KIF6: variants seen among roughly 807,000 people sequenced by gnomAD.
The protein encoded by KIF6 is kinesin-like protein KIF6.
Under a neutral mutation model 112.7 loss-of-function variants are expected in KIF6, and 106 were observed. The observed-to-expected ratio is 0.94, with a 90% confidence interval of 0.80 to 1.11. The LOEUF (loss-of-function observed/expected upper bound fraction) is 1.11. KIF6 is among the 50% of genes least tolerant of loss of function. The probability of loss-of-function intolerance (pLI) is 0.00; values close to 1 mark genes in which losing one functional copy is unlikely to be tolerated. For synonymous variants in KIF6, 339 were observed against 339.9 expected, an observed-to-expected ratio of 1.00 and a Z score of 0.03; for missense variants, 929 against 964.0, an observed-to-expected ratio of 0.96 and a Z score of 0.48.
chr6:39,489,074 G>A (rs1562259255), intron 13 of KIF6, among the ~76,000 whole-genome samples: 1 of 152,084 alleles, frequency 6.6e-6, no homozygotes, highest in Non-Finnish European at 1.5e-5. Context: ...GAAATCTAAG[G>A]CTTTTTAAAA....
At chr6:39,443,540 G>T (rs1362686445) in intron 13 of KIF6, among the ~76,000 whole-genome samples, 1 of 152,008 alleles carries the variant, frequency 6.6e-6, no homozygotes, top group East Asian at 1.9e-4. Context: ...GCTTCCCAGG[G>T]TCAAGCAATT....
chr6:39,613,004 C>T (rs1783298829), intron 6 of KIF6, among the ~76,000 whole-genome samples, 185 bp downstream of exon 6: 1 of 152,100 alleles, frequency 6.6e-6, no homozygotes, highest in South Asian at 2.1e-4. Flanking sequence ...GCTGGGTGAC[C>T]TTGGGAAAGT....
rs754642153 is a variant in KIF6 at position 39,634,909 on chromosome 6, T to C, written c.449A>G (p.Asn150Ser). 16 of 1,612,552 alleles carry C rather than the reference T, an allele frequency of 9.9e-6. No homozygotes were observed. Among genetic ancestry groups the C allele is most frequent in the South Asian group, 4.4e-5 (4 of 91,038 alleles). Residue 150 changes from asparagine (N) to serine (S), a missense_variant, in exon 5 of 23, where the codon AAT (asparagine) becomes AGT (serine). Transcript: ENST00000287152. The part of the protein sequence containing the change: ...TTHISYLEIY[N>S]ECGYDLLDPR... ...ATCCAAAAGATCATAACCACATTCA[T>C]TGTAGATTTCCAAATAGGAAATGTG...
At chr6:39,445,702 A>G (rs1424050868) in intron 13 of KIF6, among the ~76,000 whole-genome samples, 2 of 152,284 alleles carry the variant, frequency 1.3e-5, no homozygotes, top group African/African-American at 4.8e-5. Context: ...TTTCTCAGGG[A>G]ATGTTCCTCC....
chr6:39,541,831 C>T (rs1778805577), intron 12 of KIF6, among the ~76,000 whole-genome samples: 1 of 152,144 alleles, frequency 6.6e-6, no homozygotes, highest in Non-Finnish European at 1.5e-5. Flanking sequence ...AACATCAATG[C>T]AGAGGAGAAA....
rs993422385 is a variant in KIF6, at chr6:39,447,566, T to C, written c.1646-16405A>G. 1.5e-4 allele frequency among the ~76,000 whole-genome samples: 23 copies of C among 152,304 alleles called. 1 individual carries two copies. Among genetic ancestry groups the C allele is most frequent in the African/African-American group, 2.6e-4 (11 of 41,576 alleles). ...TTCATGTTTACTGGCCTTGATTTCATTGATGGAAGAGGAGAAAAGATAATC... is the reference window on the plus strand; with the variant it reads ...TTCATGTTTACTGGCCTTGATTTCACTGATGGAAGAGGAGAAAAGATAATC... On this transcript the variant is annotated intron_variant, in intron 13 of 22. Transcript: ENST00000287152.
At chr6:39,533,833 T>A (rs940726200) in intron 13 of KIF6, among the ~76,000 whole-genome samples, 2 of 152,156 alleles carry the variant, frequency 1.3e-5, no homozygotes, top group Non-Finnish European at 2.9e-5. Flanking sequence ...GACTGACACC[T>A]CACACGGCCG....
chr6:39,447,164 C>T (rs1772383301), intron 13 of KIF6, among the ~76,000 whole-genome samples: 1 of 152,180 alleles, frequency 6.6e-6, no homozygotes, highest in African/African-American at 2.4e-5. Flanking sequence ...GTGTTCTCTG[C>T]TTCCCAACCA....
At chr6:39,709,229 C>G (rs1789388579) in intron 3 of KIF6, among the ~76,000 whole-genome samples, 1 of 152,206 alleles carries the variant, frequency 6.6e-6, no homozygotes, top group Non-Finnish European at 1.5e-5. Flanking sequence ...CAGCTTTGGT[C>G]CCTGCCATTT....
At chr6:39,593,125 T>C (rs1782042329) in intron 7 of KIF6, among the ~76,000 whole-genome samples, 1 of 152,206 alleles carries the variant, frequency 6.6e-6, no homozygotes, top group Non-Finnish European at 1.5e-5. Context: ...TGCCTACTTC[T>C]CAGTCATTCA....
chr6:39,622,871 T>C (rs1783904408), intron 5 of KIF6, among the ~76,000 whole-genome samples: 1 of 152,132 alleles, frequency 6.6e-6, no homozygotes, highest in Non-Finnish European at 1.5e-5. Flanking sequence ...CTGTGCAGAA[T>C]GATGGAAGGA....
intron 6 of KIF6, among the ~76,000 whole-genome samples, chr6:39,603,674 A>G (rs990470399): frequency 1.3e-5 from 2 of 152,048 alleles, no homozygotes; most frequent in South Asian, 4.1e-4. Context: ...AGGTTTACAT[A>G]ATATGCTCTT....
chr6:39,444,098 C>T (rs544486633), intron 13 of KIF6, among the ~76,000 whole-genome samples: 210 of 152,210 alleles, frequency 1.4e-3, no homozygotes, highest in African/African-American at 4.8e-3. Flanking sequence ...CTTACAATAA[C>T]CGAGTCAACT....
In KIF6 at chr6:39,593,238, C is replaced by G. The variant is rs369410871; in HGVS notation, c.846+2816G>C. On this transcript the variant is annotated intron_variant, in intron 7 of 22. Coordinates refer to ENST00000287152, the MANE Select transcript of KIF6 (RefSeq NM_145027.6). ...AAGCTAATTAAACTAAATTGTGTTA[C>G]ACTTCCAGTCTCATTAGTGCCATAA... Among the ~76,000 whole-genome samples the G allele has an allele frequency of 1.6e-3, 242 of 152,284 alleles. 5 individuals carry two copies. The South Asian group carries it at 0.025, about 16-fold the overall frequency.
intron 3 of KIF6, among the ~76,000 whole-genome samples, chr6:39,645,270 C>A (rs969630097): frequency 1.3e-5 from 2 of 152,006 alleles, no homozygotes; most frequent in Non-Finnish European, 2.9e-5. Flanking sequence ...AAGCCTCAAC[C>A]CTTTTGGAGA....
At chr6:39,505,814 C>T (rs1448072544) in intron 13 of KIF6, among the ~76,000 whole-genome samples, 1 of 152,194 alleles carries the variant, frequency 6.6e-6, no homozygotes, top group Non-Finnish European at 1.5e-5. Flanking sequence ...CACCATCTTA[C>T]ACCAGTCAGA....
At chr6:39,550,016 G>T (rs1418055667) in intron 10 of KIF6, among the ~76,000 whole-genome samples, 1 of 151,836 alleles carries the variant, frequency 6.6e-6, no homozygotes, top group Non-Finnish European at 1.5e-5. Context: ...GAAATTTTTG[G>T]CCAGCTAGTT....
intron 6 of KIF6, among the ~76,000 whole-genome samples, chr6:39,602,777 C>G (rs988835602): frequency 1.3e-5 from 2 of 152,120 alleles, no homozygotes; most frequent in African/African-American, 4.8e-5. Context: ...AATCACTACT[C>G]TCTACATCTT....
intron 3 of KIF6, among the ~76,000 whole-genome samples, chr6:39,656,112 G>A (rs1168824618): frequency 1.3e-5 from 2 of 152,132 alleles, no homozygotes; most frequent in Non-Finnish European, 2.9e-5. Flanking sequence ...TAAAATGTTT[G>A]ACACTCATCT....
Sources: allele counts gnomAD v4.1 joint callset (sites outside exome capture counted in the v4.1 genomes callset), GRCh38; gene constraint gnomAD v4.1.1; transcripts MANE v1.5; gene names NCBI Gene and HGNC (gene_info 2026-07-23, HGNC 2026-07-21).